Variants in OSBPL9 observed in about 807,000 individuals in gnomAD.
The protein encoded by OSBPL9 is oxysterol-binding protein-related protein 9.
Under a neutral mutation model 106.6 loss-of-function variants are expected in OSBPL9, and 40 were observed. The ratio of observed to expected loss-of-function variants is 0.38; its 90% confidence interval spans 0.29 to 0.49. The LOEUF is 0.49. Ranked by LOEUF, OSBPL9 falls within the 20% of genes least tolerant of loss-of-function variation. OSBPL9 has a pLI of 0.97. For missense variants in OSBPL9, 609 were observed against 887.2 expected (o/e 0.69, Z 3.98); for synonymous variants, 269 against 295.4 (o/e 0.91, Z 0.92).
intron 11 of OSBPL9, among the ~76,000 whole-genome samples, chr1:51,764,707 G>A (rs986836777): frequency 1.3e-5 from 2 of 151,870 alleles, no homozygotes; most frequent in African/African-American, 4.8e-5. Context: ...AGCCTGTCGT[G>A]TAGCTGAGAC....
At chr1:51,735,042 TC>T (rs1665349407) in intron 4 of OSBPL9, among the ~76,000 whole-genome samples, 1 of 152,212 alleles carries the variant, frequency 6.6e-6, no homozygotes, top group Non-Finnish European at 1.5e-5. Flanking sequence ...CCTTCTCTCT[TC>T]CGTGCTCTAG....
At chr1:51,673,366 A>G (rs1281052047) in intron 3 of OSBPL9, among the ~76,000 whole-genome samples, 1 of 152,220 alleles carries the variant, frequency 6.6e-6, no homozygotes, top group East Asian at 1.9e-4. Flanking sequence ...TAAAGGGAAG[A>G]TGAGAAATAT....
intron 20 of OSBPL9, chr1:51,784,844 G>T: frequency 2.2e-6 from 1 of 461,692 alleles, no homozygotes; most frequent in Non-Finnish European, 3.8e-6. Flanking sequence ...GGCCTTCCTA[G>T]GTTGCCTAGC....
chr1:51,780,714 G>A (rs978966415), intron 15 of OSBPL9, among the ~76,000 whole-genome samples: 4 of 152,044 alleles, frequency 2.6e-5, no homozygotes, highest in Admixed American at 6.5e-5. Flanking sequence ...ACAGTGAGCC[G>A]AGATCACGCC....
chr1:51,681,566 TC>T (rs1652568467), intron 3 of OSBPL9, among the ~76,000 whole-genome samples: 1 of 152,198 alleles, frequency 6.6e-6, no homozygotes. Context: ...TTTCTGTTTT[TC>T]TACTAATTAA....
At chr1:51,713,948 G>T (rs984387237) in intron 3 of OSBPL9, 55 bp from the exon 4 acceptor site, 4 of 1,318,974 alleles carry the variant, frequency 3.0e-6, no homozygotes, top group Non-Finnish European at 4.2e-6. Context: ...TTTCAAATAT[G>T]GAGATATATT....
chr1:51,733,483 A>G (rs972231303), intron 4 of OSBPL9, among the ~76,000 whole-genome samples: 2 of 152,158 alleles, frequency 1.3e-5, no homozygotes, highest in Non-Finnish European at 2.9e-5. Context: ...AGTGCTAAAA[A>G]TGGTGAGCAG....
intron 1 of OSBPL9, among the ~76,000 whole-genome samples, chr1:51,581,084 A>G (rs1487690866): frequency 1.4e-5 from 2 of 141,620 alleles, no homozygotes; most frequent in African/African-American, 5.6e-5. Context: ...CATACTGGCT[A>G]ATTTTTGTAT....
chr1:51,571,942 G>A, the OSBPL9 span, among the ~76,000 whole-genome samples: 2 of 152,074 alleles, frequency 1.3e-5, no homozygotes, highest in Admixed American at 1.3e-4. Flanking sequence ...ACAATGTGAG[G>A]GACAACAACC....
At chr1:51,754,352 G>A (rs1235908849) in intron 8 of OSBPL9, among the ~76,000 whole-genome samples, 1 of 152,244 alleles carries the variant, frequency 6.6e-6, no homozygotes, top group Non-Finnish European at 1.5e-5. Flanking sequence ...AACTCTGGTT[G>A]ATTTTCACCA....
intron 1 of OSBPL9, among the ~76,000 whole-genome samples, chr1:51,650,454 G>A (rs927253130): frequency 6.6e-6 from 1 of 152,158 alleles, no homozygotes; most frequent in Non-Finnish European, 1.5e-5. Flanking sequence ...AATGCTTAAG[G>A]AATGTTTTCA....
intron 4 of OSBPL9, chr1:51,730,268 C>CT (rs566116650): frequency 1.8e-5 from 14 of 770,962 alleles, no homozygotes; most frequent in Non-Finnish European, 2.1e-5. Context: ...GAGGAGGTCT[C>CT]TTTTTTTCTA....
At chr1:51,709,884 A>G (rs1387825901) in intron 3 of OSBPL9, 1 of 152,328 alleles carries the variant, frequency 6.6e-6, no homozygotes, top group Non-Finnish European at 1.5e-5. Flanking sequence ...GCATGGTCCA[A>G]CATCCTCACA....
chr1:51,677,644 C>T (rs190127690), intron 3 of OSBPL9, among the ~76,000 whole-genome samples: 4 of 152,084 alleles, frequency 2.6e-5, no homozygotes, highest in Non-Finnish European at 5.9e-5. Flanking sequence ...CTCCGCCTAC[C>T]GGGTTCAAGC....
intron 15 of OSBPL9, among the ~76,000 whole-genome samples, chr1:51,778,732 C>G (rs898558432): frequency 2.6e-5 from 4 of 151,932 alleles, no homozygotes; most frequent in Admixed American, 6.6e-5. Flanking sequence ...ACCTCCCCGC[C>G]CCCCCAAAAA....
intron 1 of OSBPL9, 125 bp downstream of exon 1, chr1:51,617,346 G>C: frequency 1.0e-6 from 1 of 973,102 alleles, no homozygotes; most frequent in Non-Finnish European, 1.5e-6. Flanking sequence ...GTACGCGAGG[G>C]TTCCCTTGTT....
chr1:51,633,432 C>T (rs568180037), intron 1 of OSBPL9, among the ~76,000 whole-genome samples: 15 of 151,480 alleles, frequency 9.9e-5, no homozygotes, highest in Admixed American at 3.9e-4. Flanking sequence ...TAAAAATTAT[C>T]CAGGTGTGGT....
chr1:51,758,075 A>T (rs1196173752), intron 9 of OSBPL9, among the ~76,000 whole-genome samples: 1 of 152,184 alleles, frequency 6.6e-6, no homozygotes, highest in African/African-American at 2.4e-5. Flanking sequence ...AAGTTGGCTG[A>T]CCAAGGACTG....
chr1:51,782,705 T>C, intron 17 of OSBPL9, 62 bp downstream of exon 17: 2 of 1,464,382 alleles, frequency 1.4e-6, no homozygotes, highest in Non-Finnish European at 1.9e-6. Context: ...AAGAGGGTCA[T>C]TAAAAGCGCC....
Sources: allele counts gnomAD v4.1 joint callset (sites outside exome capture counted in the v4.1 genomes callset), GRCh38; gene constraint gnomAD v4.1.1; transcripts MANE v1.5; gene names NCBI Gene and HGNC (gene_info 2026-07-23, HGNC 2026-07-21).